Variants in NT5DC3 observed in about 807,000 individuals in gnomAD.
NT5DC3 encodes 5'-nucleotidase domain-containing protein 3.
Under a neutral mutation model 67.8 loss-of-function variants are expected in NT5DC3, and 42 were observed. The ratio of observed to expected loss-of-function variants is 0.62; its 90% CI spans 0.48 to 0.80. NT5DC3 has a LOEUF of 0.80. NT5DC3 is among the 30% of genes least tolerant of loss of function. The pLI, the probability that NT5DC3 is intolerant of heterozygous loss-of-function variation, is 0.00. For missense variants in NT5DC3, 570 were observed against 696.4 expected (o/e 0.82, Z 2.04); for synonymous variants, 237 against 255.6 (o/e 0.93, Z 0.69).
chr12:103,807,986 A>C (rs1886873643), intron 2 of NT5DC3, among the ~76,000 whole-genome samples: 1 of 152,188 alleles, frequency 6.6e-6, no homozygotes, highest in Non-Finnish European at 1.5e-5. Context: ...GCAGCATGAA[A>C]ACGAAACTAA....
At chr12:103,818,329 A>G (rs1325596193) in intron 1 of NT5DC3, among the ~76,000 whole-genome samples, 1 of 151,716 alleles carries the variant, frequency 6.6e-6, no homozygotes, top group Non-Finnish European at 1.5e-5. Flanking sequence ...TGACAGTTCC[A>G]TTTCTTTATT....
intron 1 of NT5DC3, among the ~76,000 whole-genome samples, chr12:103,818,478 CA>C (rs1887354820): frequency 6.6e-6 from 1 of 151,212 alleles, no homozygotes; most frequent in Admixed American, 6.6e-5. Flanking sequence ...CAAGTTCAAG[CA>C]ATTCTCCTGC....
At chr12:103,805,115 G>A (rs1886744014) in intron 4 of NT5DC3, among the ~76,000 whole-genome samples, 1 of 151,740 alleles carries the variant, frequency 6.6e-6, no homozygotes, top group Non-Finnish European at 1.5e-5. Flanking sequence ...TGTAAACAGT[G>A]ACCAGTACAA....
chr12:103,758,649 T>G, the NT5DC3 span, among the ~76,000 whole-genome samples: 1 of 152,200 alleles, frequency 6.6e-6, no homozygotes, highest in Non-Finnish European at 1.5e-5. Context: ...CCTGGCCTGA[T>G]AGGTCACATG....
intron 1 of NT5DC3, 64 bp from the exon 2 acceptor site, chr12:103,815,185 A>AG (rs752101534): frequency 2.7e-6 from 3 of 1,099,852 alleles, no homozygotes; most frequent in Non-Finnish European, 3.8e-6. Context: ...TGATTCCTAA[A>AG]GAAAAAAAAT....
At chr12:103,838,129 CTCATCAGATCTCAAGACT>C (rs1888229388) in intron 1 of NT5DC3, among the ~76,000 whole-genome samples, 1 of 152,176 alleles carries the variant, frequency 6.6e-6, no homozygotes, top group African/African-American at 2.4e-5. Context: ...CCCTGATAAA[CTCATCAGATCTCAAGACT>C]TATTCACTAT....
At chr12:103,793,386 G>C in intron 8 of NT5DC3, 24 bp downstream of exon 8, 2 of 1,588,764 alleles carry the variant, frequency 1.3e-6, no homozygotes, top group Non-Finnish European at 8.6e-7. Context: ...CCAGAAGCTA[G>C]CAATGAAACA....
At chr12:103,836,449 C>T (rs1888152246) in intron 1 of NT5DC3, among the ~76,000 whole-genome samples, 1 of 152,160 alleles carries the variant, frequency 6.6e-6, no homozygotes, top group South Asian at 2.1e-4. Flanking sequence ...AGGCCCCATG[C>T]ATGTCCAAAA....
chr12:103,839,679 C>T (rs989578872), intron 1 of NT5DC3, among the ~76,000 whole-genome samples: 11 of 152,266 alleles, frequency 7.2e-5, no homozygotes, highest in South Asian at 2.1e-4. Context: ...TGCAAAATTC[C>T]CAATGTCTCC....
At chr12:103,754,687 C>CCTG in the NT5DC3 span, among the ~76,000 whole-genome samples, 1 of 152,092 alleles carries the variant, frequency 6.6e-6, no homozygotes, top group African/African-American at 2.4e-5. Context: ...TGGTGACTCA[C>CCTG]GCCTGTAATC....
chr12:103,778,437 A>G (rs751656403), intron 13 of NT5DC3, among the ~76,000 whole-genome samples: 26 of 152,186 alleles, frequency 1.7e-4, no homozygotes, highest in Non-Finnish European at 3.2e-4. Context: ...AGGCTGAGGC[A>G]CAAGAATCAT....
chr12:103,749,578 C>A, the NT5DC3 span, among the ~76,000 whole-genome samples: 8 of 151,704 alleles, frequency 5.3e-5, no homozygotes, highest in Admixed American at 2.6e-4. Flanking sequence ...GCCTGTAATC[C>A]CAGTACTTTG....
chr12:103,753,186 C>A, the NT5DC3 span: 356,534 of 1,608,738 alleles, frequency 0.22, 41,917 homozygotes, highest in Non-Finnish European at 0.24. Context: ...ACCTGGTGGG[C>A]TGACCTGGGC....
chr12:103,785,030 C>A (rs1010949683), intron 12 of NT5DC3, among the ~76,000 whole-genome samples: 2 of 152,166 alleles, frequency 1.3e-5, no homozygotes, highest in Non-Finnish European at 2.9e-5. Flanking sequence ...CAGACAGAAC[C>A]AGCACAGACT....
chr12:103,780,386 T>C (rs1885501940), intron 12 of NT5DC3, 22 bp from the exon 13 acceptor site: 3 of 1,609,008 alleles, frequency 1.9e-6, no homozygotes, highest in Non-Finnish European at 8.5e-7. Context: ...AAGTCAATTA[T>C]TACAACTGTT....
chr12:103,755,839 C>A, the NT5DC3 span: 1 of 879,898 alleles, frequency 1.1e-6, no homozygotes, highest in Non-Finnish European at 1.8e-6. Flanking sequence ...GGTGCTGGAC[C>A]ACCTTGCCTG....
At chr12:103,770,636 A>G (rs923153989), downstream of NT5DC3, 3 of 152,148 alleles carry the variant, frequency 2.0e-5, no homozygotes, top group Non-Finnish European at 4.4e-5. Flanking sequence ...GGGTTTCACT[A>G]TGTTACCCAG....
At chr12:103,802,856 T>C (rs779020630) in intron 4 of NT5DC3, among the ~76,000 whole-genome samples, 1 of 152,108 alleles carries the variant, frequency 6.6e-6, no homozygotes, top group Non-Finnish European at 1.5e-5. Context: ...AGCAGGTTGA[T>C]AAAAATCTCA....
chr12:103,830,390 TG>T (rs1887877248), intron 1 of NT5DC3, among the ~76,000 whole-genome samples: 1 of 152,246 alleles, frequency 6.6e-6, no homozygotes, highest in South Asian at 2.1e-4. Flanking sequence ...GGATTTGCTT[TG>T]CATTCTAAAT....
Sources: allele counts gnomAD v4.1 joint callset (sites outside exome capture counted in the v4.1 genomes callset), GRCh38; gene constraint gnomAD v4.1.1; transcripts MANE v1.5; gene names NCBI Gene and HGNC (gene_info 2026-07-23, HGNC 2026-07-21).